Variants in ZDHHC21 observed in about 807,000 individuals in gnomAD.
ZDHHC21 encodes palmitoyltransferase ZDHHC21.
In ZDHHC21, 15 loss-of-function variants were observed where a neutral mutation model predicts 34.6. The observed-to-expected ratio is 0.43, with a 90% CI of 0.29 to 0.67. ZDHHC21 has a LOEUF of 0.67. ZDHHC21 is among the 30% of genes least tolerant of loss of function. The probability of loss-of-function intolerance (pLI) is 0.14; values close to 1 mark genes in which losing one functional copy is unlikely to be tolerated. For synonymous variants in ZDHHC21, 142 were observed against 101.8 expected, an observed-to-expected ratio of 1.40 and a Z score of -2.38; for missense variants, 344 against 327.7, an observed-to-expected ratio of 1.05 and a Z score of -0.38.
rs550346436 is a variant in ZDHHC21, at chr9:14,684,536, C to T, written c.-175-4374G>A. Among the ~76,000 whole-genome samples the T allele has an allele frequency of 1.8e-3, 275 of 150,738 alleles. 5 individuals carry two copies. The highest frequency in any genetic ancestry group is 6.3e-3 in the African/African-American group (260 of 40,974). On this transcript the variant is annotated intron_variant, in intron 2 of 9. Coordinates refer to ENST00000380916, the MANE Select transcript of ZDHHC21 (RefSeq NM_178566.6). ...CGTCAAGGAGAACTACAAACCACTG[C>T]TCAATGAAATAAAAGAGGAAACAAA... is the stretch of plus-strand genomic sequence containing the variant.
At chr9:14,598,317 A>G in the ZDHHC21 span, among the ~76,000 whole-genome samples, 1 of 152,202 alleles carries the variant, frequency 6.6e-6, no homozygotes, top group South Asian at 2.1e-4. Flanking sequence ...AGCCTAAGCC[A>G]CTGTGAACTG....
the ZDHHC21 span, chr9:14,594,340 A>G: frequency 6.6e-6 from 1 of 152,228 alleles, no homozygotes; most frequent in Non-Finnish European, 1.5e-5. Context: ...ATAAAGCTAC[A>G]GAGTGGTATT....
the ZDHHC21 span, among the ~76,000 whole-genome samples, chr9:14,591,021 A>C: frequency 6.6e-6 from 1 of 152,160 alleles, no homozygotes; most frequent in African/African-American, 2.4e-5. Flanking sequence ...ATTATACTTG[A>C]AGTAGCACAG....
Position 14,611,568 on chromosome 9 carries a change from GC to G in ZDHHC21, c.*7397del, listed in dbSNP as rs1287567343. 6.6e-6 allele frequency: 1 copy of G among 151,952 alleles called. No homozygotes were observed. Among genetic ancestry groups the G allele is most frequent in the African/African-American group, 2.4e-5 (1 of 41,410 alleles). 9.4% of individuals were successfully genotyped at this position (151,952 alleles called of 1,614,324 possible). A position where few individuals can be genotyped will look rare whatever the true frequency, so the allele number is the denominator to read the frequency against. On this transcript the variant is annotated 3_prime_UTR_variant, in exon 10 of 10. Coordinates refer to ENST00000380916, the MANE Select transcript of ZDHHC21 (RefSeq NM_178566.6). ...AAATTTAAAAACAGGATCTTCTTAT[GC>G]CACTTGTAACATACCACTATTAAAA...
At position 14,672,903 on chromosome 9, in the gene ZDHHC21, A is replaced by G. The variant is rs1835735689; in HGVS notation, c.180T>C (p.Cys60=). 1 of 1,604,698 alleles carries G rather than the reference A, an allele frequency of 6.2e-7. No individual in the cohort carries two copies. Among genetic ancestry groups the G allele is most frequent in the Admixed American group, 1.7e-5 (1 of 59,790 alleles). The change falls in exon 5 of 10, where the codon TGT becomes TGC. Residue 60 remains cysteine (C), a synonymous_variant. Transcript: ENST00000380916. ...IIIFYGISIF[C]LVALVRASIT... ...TGGAGGCCCTCACTAAGGCAACCAGACAGAATATGGAAATGCCATAGAATA... is the reference window on the plus strand; with the variant it reads ...TGGAGGCCCTCACTAAGGCAACCAGGCAGAATATGGAAATGCCATAGAATA...
the ZDHHC21 span, among the ~76,000 whole-genome samples, chr9:14,602,928 CAAAAAAAAAAAAAAA>C: frequency 3.4e-5 from 3 of 88,060 alleles, no homozygotes; most frequent in Non-Finnish European, 6.2e-5. Flanking sequence ...GACTTCATCT[CAAAAAAAAAAAAAAA>C]AAAAAAAAAA....
At chr9:14,623,656 A>C (rs1825706887) in intron 8 of ZDHHC21, among the ~76,000 whole-genome samples, 1 of 151,830 alleles carries the variant, frequency 6.6e-6, no homozygotes, top group South Asian at 2.1e-4. Flanking sequence ...AAAAAAAAAA[A>C]AAAAGAGAGA....
At chr9:14,664,206 G>C (rs892188057) in intron 5 of ZDHHC21, among the ~76,000 whole-genome samples, 4 of 152,196 alleles carry the variant, frequency 2.6e-5, no homozygotes, top group Non-Finnish European at 4.4e-5. Flanking sequence ...GGAAGCGCAA[G>C]GGGTCAGGGA....
chr9:14,661,911 T>C (rs985073965), intron 6 of ZDHHC21, among the ~76,000 whole-genome samples: 4 of 152,212 alleles, frequency 2.6e-5, no homozygotes, highest in Admixed American at 6.5e-5. Context: ...TTGTCAGATA[T>C]TGTAGTAAAT....
intron 7 of ZDHHC21, among the ~76,000 whole-genome samples, chr9:14,650,663 C>CT (rs946875297): frequency 3.3e-5 from 5 of 151,892 alleles, no homozygotes; most frequent in East Asian, 3.9e-4. Context: ...CTGGCTATTT[C>CT]TTTTTTTTGT....
At chr9:14,689,196 G>T (rs1838806248) in intron 2 of ZDHHC21, among the ~76,000 whole-genome samples, 1 of 152,100 alleles carries the variant, frequency 6.6e-6, no homozygotes, top group African/African-American at 2.4e-5. Context: ...ACGTTGGTTA[G>T]GGGGATCTTT....
At chr9:14,671,639 T>C (rs1239144182) in intron 5 of ZDHHC21, among the ~76,000 whole-genome samples, 1 of 152,010 alleles carries the variant, frequency 6.6e-6, no homozygotes, top group African/African-American at 2.4e-5. Context: ...ACTGTAATGC[T>C]ATGTCAAAAA....
chr9:14,622,063 G>A (rs1212865803), intron 8 of ZDHHC21, among the ~76,000 whole-genome samples: 1 of 151,872 alleles, frequency 6.6e-6, no homozygotes, highest in Non-Finnish European at 1.5e-5. Context: ...ACTTGTCCAG[G>A]AATGATAACA....
intron 9 of ZDHHC21, 142 bp downstream of exon 9, chr9:14,619,497 A>G (rs1455198559): frequency 6.1e-6 from 4 of 654,842 alleles, no homozygotes; most frequent in Non-Finnish European, 1.0e-5. Context: ...AGACTGGGGT[A>G]GCTTGCCTAG....
At chr9:14,610,781 T>G (rs1255654980), downstream of ZDHHC21, among the ~76,000 whole-genome samples, 2 of 152,052 alleles carry the variant, frequency 1.3e-5, no homozygotes, top group Admixed American at 1.3e-4. Context: ...CAATAAATGT[T>G]AAATAAATTG....
At chr9:14,590,302 G>A in the ZDHHC21 span, among the ~76,000 whole-genome samples, 7 of 152,072 alleles carry the variant, frequency 4.6e-5, no homozygotes, top group Non-Finnish European at 1.0e-4. Context: ...TAAGCTAGGT[G>A]ACAATACTAA....
chr9:14,633,257 A>AG (rs1250056595), intron 8 of ZDHHC21, among the ~76,000 whole-genome samples: 1 of 152,198 alleles, frequency 6.6e-6, no homozygotes, highest in Non-Finnish European at 1.5e-5. Context: ...ACCATCCTAA[A>AG]GCAAGGACTG....
At chr9:14,602,462 G>C in the ZDHHC21 span, among the ~76,000 whole-genome samples, 2 of 151,694 alleles carry the variant, frequency 1.3e-5, no homozygotes, top group Admixed American at 1.3e-4. Flanking sequence ...AGAGATACAG[G>C]CATCTAGATA....
chr9:14,686,424 G>C (rs1371170697), intron 2 of ZDHHC21, among the ~76,000 whole-genome samples: 6 of 152,140 alleles, frequency 3.9e-5, no homozygotes, highest in Admixed American at 6.6e-5. Flanking sequence ...AGTGTGTTAA[G>C]TGTGCTGGTT....
Sources: allele counts gnomAD v4.1 joint callset (sites outside exome capture counted in the v4.1 genomes callset), GRCh38; gene constraint gnomAD v4.1.1; transcripts MANE v1.5; gene names NCBI Gene and HGNC (gene_info 2026-07-23, HGNC 2026-07-21).